Variants in SLC17A5 observed in about 807,000 individuals in gnomAD.
The protein encoded by SLC17A5 is solute carrier family 17 member 5, also known as sialin.
A neutral mutation model predicts 59.4 loss-of-function variants in SLC17A5; 47 were observed. The ratio of observed to expected loss-of-function variants is 0.79; its 90% CI spans 0.63 to 1.01. The LOEUF (loss-of-function observed/expected upper bound fraction) is 1.01. Ranked by LOEUF, SLC17A5 falls within the 50% of genes least tolerant of loss-of-function variation. The pLI, the probability that SLC17A5 is intolerant of heterozygous loss-of-function variation, is 0.00. For synonymous variants in SLC17A5, 202 were observed against 210.7 expected (o/e 0.96, Z 0.36); for missense variants, 522 against 595.5 (o/e 0.88, Z 1.28).
chr6:73,642,144 C>T (rs573729975), intron 2 of SLC17A5, among the ~76,000 whole-genome samples: 8 of 152,330 alleles, frequency 5.3e-5, no homozygotes, highest in African/African-American at 1.9e-4. Flanking sequence ...TTCAAGAAGG[C>T]TTGCAATTTT....
At chr6:73,605,193 A>G (rs1033757266) in intron 9 of SLC17A5, among the ~76,000 whole-genome samples, 1 of 152,200 alleles carries the variant, frequency 6.6e-6, no homozygotes, top group Non-Finnish European at 1.5e-5. Context: ...ATGTCACCCA[A>G]TTTGTCTGAT....
At chr6:73,622,022 C>T (rs1301710772) in intron 6 of SLC17A5, 60 bp from the exon 7 acceptor site, 26 of 1,519,294 alleles carry the variant, frequency 1.7e-5, no homozygotes, top group Admixed American at 1.7e-5. Context: ...AGATCTGTAC[C>T]GTATCAGCTA....
chr6:73,653,723 T>C, intron 1 of SLC17A5, 70 bp downstream of exon 1: 2 of 1,415,718 alleles, frequency 1.4e-6, no homozygotes, highest in South Asian at 1.2e-5. Flanking sequence ...ACCCGGGCCA[T>C]GCCGGCCCAG....
intron 9 of SLC17A5, among the ~76,000 whole-genome samples, chr6:73,609,007 G>A (rs140449318): frequency 3.2e-4 from 48 of 152,244 alleles, no homozygotes; most frequent in African/African-American, 1.1e-3. Flanking sequence ...GTGACAGAGT[G>A]CAGCTTATCT....
Position 73,633,911 on chromosome 6 carries a change from T to C in SLC17A5, c.819+1471A>G, listed in dbSNP as rs552347925. On this transcript the variant is annotated intron_variant, in intron 6 of 10. Transcript: ENST00000355773. ...AAAATAAATAAAATAAAATAAAATA[T>C]CAATCATGACAATTTAATAGGAAAA... 8.9e-4 allele frequency among the ~76,000 whole-genome samples: 135 copies of C among 151,830 alleles called. 3 individuals carry two copies. In the South Asian group the frequency reaches 0.028, roughly 32 times the overall value.
chr6:73,604,996 T>G (rs1767328002), intron 9 of SLC17A5, among the ~76,000 whole-genome samples: 2 of 152,270 alleles, frequency 1.3e-5, no homozygotes, highest in Admixed American at 1.3e-4. Flanking sequence ...TTCATTTTAT[T>G]TTTAAAATTT....
chr6:73,643,801 A>G (rs147813478), intron 2 of SLC17A5, among the ~76,000 whole-genome samples: 39 of 152,336 alleles, frequency 2.6e-4, no homozygotes, highest in Middle Eastern at 3.4e-3. Context: ...TAAAAAGAAT[A>G]CTAGCTTTTC....
chr6:73,599,321 C>T (rs1405849169), intron 10 of SLC17A5, among the ~76,000 whole-genome samples: 2 of 152,126 alleles, frequency 1.3e-5, no homozygotes, highest in African/African-American at 4.8e-5. Flanking sequence ...ATGCATCCAC[C>T]TGCCTCAGCC....
At chr6:73,651,310 A>AC (rs1375735152) in intron 1 of SLC17A5, among the ~76,000 whole-genome samples, 1 of 151,088 alleles carries the variant, frequency 6.6e-6, no homozygotes. Flanking sequence ...AAAATACAAA[A>AC]ATTAGCTGGG....
chr6:73,650,526 A>AAG (rs1554164790), intron 1 of SLC17A5, among the ~76,000 whole-genome samples: 67 of 150,228 alleles, frequency 4.5e-4, no homozygotes, highest in African/African-American at 1.6e-3. Context: ...AAAAAAAAAA[A>AAG]AAAAAGAAAA....
chr6:73,604,471 T>C (rs1767302605), intron 9 of SLC17A5, among the ~76,000 whole-genome samples: 1 of 152,034 alleles, frequency 6.6e-6, no homozygotes, highest in Non-Finnish European at 1.5e-5. Context: ...GGGCCGGGTG[T>C]GGTGGTGCAT....
At chr6:73,613,428 C>T (rs528317431) in intron 8 of SLC17A5, among the ~76,000 whole-genome samples, 3 of 151,958 alleles carry the variant, frequency 2.0e-5, no homozygotes, top group South Asian at 4.2e-4. Context: ...TGCAGTGGCG[C>T]GATTTCAGCT....
chr6:73,645,569 C>G (rs1769501418), intron 1 of SLC17A5: 1 of 775,176 alleles, frequency 1.3e-6, no homozygotes, highest in Admixed American at 6.3e-5. Context: ...GGCGGATCAC[C>G]TGAGGTCAGG....
At chr6:73,649,476 G>A (rs1275814526) in intron 1 of SLC17A5, among the ~76,000 whole-genome samples, 4 of 152,114 alleles carry the variant, frequency 2.6e-5, no homozygotes, top group African/African-American at 7.2e-5. Flanking sequence ...GTGGTGTTGT[G>A]CACCTGTAAT....
chr6:73,653,654 C>G (rs1769976782), intron 1 of SLC17A5, 139 bp downstream of exon 1: 36 of 1,009,154 alleles, frequency 3.6e-5, no homozygotes, highest in Non-Finnish European at 5.1e-5. Flanking sequence ...GAACGGGCTC[C>G]CCTCTTAATG....
chr6:73,633,778 G>C (rs973642236), intron 6 of SLC17A5, among the ~76,000 whole-genome samples: 1 of 151,842 alleles, frequency 6.6e-6, no homozygotes, highest in Non-Finnish European at 1.5e-5. Flanking sequence ...AACTCAGGAG[G>C]CTGAGGCAGG....
intron 2 of SLC17A5, among the ~76,000 whole-genome samples, chr6:73,642,751 G>A (rs561129178): frequency 2.6e-5 from 4 of 152,298 alleles, no homozygotes; most frequent in African/African-American, 9.6e-5. Context: ...ACCATTCCGG[G>A]ATTTCTTTCT....
At chr6:73,604,999 T>A (rs982883563) in intron 9 of SLC17A5, among the ~76,000 whole-genome samples, 3 of 152,194 alleles carry the variant, frequency 2.0e-5, no homozygotes, top group Non-Finnish European at 4.4e-5. Context: ...ATTTTATTTT[T>A]AAAATTTTAA....
chr6:73,609,662 G>A (rs1032920709), intron 9 of SLC17A5, among the ~76,000 whole-genome samples: 1 of 152,234 alleles, frequency 6.6e-6, no homozygotes, highest in Non-Finnish European at 1.5e-5. Context: ...TCCTAGTCTA[G>A]TTGGGTGAAC....
Sources: gnomAD v4.1 joint callset for allele counts (sites outside exome capture counted in the v4.1 genomes callset) on GRCh38, gnomAD v4.1.1 for gene constraint, MANE v1.5 for transcripts, NCBI Gene and HGNC (gene_info 2026-07-23, HGNC 2026-07-21) for gene names.